The following CKMT2 variants were observed in gnomAD, a reference collection of about 807,000 sequenced individuals.
The protein encoded by CKMT2 is creatine kinase S-type, mitochondrial.
In CKMT2, 43 loss-of-function variants were observed where a neutral mutation model predicts 48.9. That is an observed-to-expected ratio of 0.88 (90% CI 0.69 to 1.13). The LOEUF is 1.13. CKMT2 is among the 50% of genes most tolerant of loss of function. CKMT2 has a pLI of 0.00. For synonymous variants in CKMT2, 206 were observed against 213.0 expected, an observed-to-expected ratio of 0.97 and a Z score of 0.29; for missense variants, 472 against 555.4, an observed-to-expected ratio of 0.85 and a Z score of 1.51.
At position 81,251,272 on chromosome 5, in the gene CKMT2, T is replaced by A; in HGVS notation, c.140T>A (p.Leu47Gln). 2 of 1,613,966 alleles carry A rather than the reference T, an allele frequency of 1.2e-6. No individual in the cohort carries two copies. The highest frequency in any genetic ancestry group is 1.7e-6 in the Non-Finnish European group (2 of 1,179,972). ...VCAEVREQPRLFPPSADYPDL... is the reference protein window; with the variant it reads ...VCAEVREQPRQFPPSADYPDL... ...GCCGAGGTCCGGGAGCAGCCTAGGC[T>A]ATTTCCTCCAAGGTAAGGGCTCCTG... Residue 47 changes from leucine to glutamine, a missense_variant, in exon 2 of 10, where the codon CTA becomes CAA. Transcript: ENST00000254035.
At chr5:81,240,636 A>G (rs559709019) in intron 1 of CKMT2, among the ~76,000 whole-genome samples, 1 of 152,274 alleles carries the variant, frequency 6.6e-6, no homozygotes, top group East Asian at 1.9e-4. Context: ...ATCTTTATTT[A>G]AATGAGTGCC....
chr5:81,263,124 A>G (rs535975121), intron 8 of CKMT2, among the ~76,000 whole-genome samples: 1,762 of 147,244 alleles, frequency 0.012, 35 homozygotes, highest in African/African-American at 0.04. Flanking sequence ...GAGTTGAACA[A>G]TGAGAACACA....
chr5:81,234,168 T>C (rs1756187247), intron 1 of CKMT2, among the ~76,000 whole-genome samples: 1 of 152,092 alleles, frequency 6.6e-6, no homozygotes, highest in African/African-American at 2.4e-5. Context: ...GTGGTCTGCC[T>C]TCAAATGCTC....
rs988508366 is a variant in CKMT2 at position 81,254,564 on chromosome 5, AG to A, written c.447+77del. 11 of 1,323,782 alleles carry A rather than the reference AG, an allele frequency of 8.3e-6. No homozygotes were observed. The African/African-American group carries it at 1.3e-4, about 16-fold the overall frequency. 82.0% of individuals were successfully genotyped at this position (1,323,782 alleles called of 1,614,324 possible). A position where few individuals can be genotyped will look rare whatever the true frequency, so the allele number is the denominator to read the frequency against. On this transcript the variant is annotated intron_variant, in intron 4 of 9. Coordinates refer to ENST00000254035, the MANE Select transcript of CKMT2 (RefSeq NM_001099735.2). Reference sequence around the variant, plus strand: ...GCCCAAGGGGAAGGCCCCTGGAGAGAGGGGTTCCCCGCTGTAAGTCAGATAC... The same window carrying A: ...GCCCAAGGGGAAGGCCCCTGGAGAGAGGGTTCCCCGCTGTAAGTCAGATAC...
chr5:81,260,955 T>G (rs1240557749), intron 8 of CKMT2, among the ~76,000 whole-genome samples: 2 of 152,088 alleles, frequency 1.3e-5, no homozygotes, highest in African/African-American at 4.8e-5. Flanking sequence ...AACACTGATG[T>G]GAAAATCCTC....
At chr5:81,242,785 A>G (rs1756481189) in intron 1 of CKMT2, among the ~76,000 whole-genome samples, 1 of 152,226 alleles carries the variant, frequency 6.6e-6, no homozygotes, top group Non-Finnish European at 1.5e-5. Context: ...GTTAAGAGCT[A>G]GGGAATTTCT....
intron 8 of CKMT2, among the ~76,000 whole-genome samples, chr5:81,259,851 C>T (rs112190334): frequency 2.6e-5 from 4 of 152,182 alleles, no homozygotes; most frequent in African/African-American, 7.2e-5. Context: ...GACTTGAACT[C>T]GGCTCTGGAC....
chr5:81,261,336 G>C (rs1331487624), intron 8 of CKMT2, among the ~76,000 whole-genome samples: 1 of 152,184 alleles, frequency 6.6e-6, no homozygotes, highest in Non-Finnish European at 1.5e-5. Context: ...TCAACATAGT[G>C]TTGGAAGTTC....
At chr5:81,252,011 C>A (rs1336760335) in intron 2 of CKMT2, 1 of 153,678 alleles carries the variant, frequency 6.5e-6, no homozygotes, top group African/African-American at 2.4e-5. Flanking sequence ...GCCTCTCTCA[C>A]TGCTCTACCA....
At chr5:81,247,399 C>T (rs980268316) in intron 1 of CKMT2, among the ~76,000 whole-genome samples, 2 of 152,192 alleles carry the variant, frequency 1.3e-5, no homozygotes, top group Non-Finnish European at 2.9e-5. Context: ...TTTACTTATG[C>T]CACATGTTAT....
intron 2 of CKMT2, among the ~76,000 whole-genome samples, 155 bp from the exon 3 acceptor site, chr5:81,252,540 G>A (rs891194568): frequency 6.6e-6 from 1 of 152,358 alleles, no homozygotes; most frequent in South Asian, 2.1e-4. Flanking sequence ...GAAACCTGGT[G>A]TATTCATTTA....
At chr5:81,247,378 A>T (rs1311800194) in intron 1 of CKMT2, among the ~76,000 whole-genome samples, 8 of 152,316 alleles carry the variant, frequency 5.3e-5, no homozygotes, top group Admixed American at 5.2e-4. Context: ...ACAAACAAAC[A>T]TCTTCCCAGC....
intron 7 of CKMT2, among the ~76,000 whole-genome samples, chr5:81,258,643 G>C (rs992848164): frequency 6.6e-6 from 1 of 152,118 alleles, no homozygotes; most frequent in Non-Finnish European, 1.5e-5. Flanking sequence ...GTGAGTGGTG[G>C]GTAAGCCAGC....
intron 9 of CKMT2, among the ~76,000 whole-genome samples, chr5:81,265,596 T>G (rs1757361084): frequency 1.3e-5 from 2 of 152,222 alleles, no homozygotes; most frequent in South Asian, 4.1e-4. Flanking sequence ...CAGAGTTTTT[T>G]AAGAACAGGA....
intron 1 of CKMT2, among the ~76,000 whole-genome samples, chr5:81,241,191 T>C (rs955696805): frequency 1.1e-4 from 16 of 152,146 alleles, no homozygotes; most frequent in Non-Finnish European, 1.5e-4. Flanking sequence ...GACTGGAGCC[T>C]TGCCAAGCTT....
At chr5:81,252,551 T>C (rs1254782818) in intron 2 of CKMT2, 144 bp from the exon 3 acceptor site, 2 of 759,248 alleles carry the variant, frequency 2.6e-6, no homozygotes, top group African/African-American at 1.7e-5. Flanking sequence ...TATTCATTTA[T>C]GACTCCTAGG....
At chr5:81,254,005 A>G (rs996492442) in intron 3 of CKMT2, among the ~76,000 whole-genome samples, 2 of 152,228 alleles carry the variant, frequency 1.3e-5, no homozygotes, top group Non-Finnish European at 2.9e-5. Context: ...AAAACTGTGT[A>G]GCCTCTGATC....
chr5:81,256,315 T>C (rs986209171), intron 5 of CKMT2, among the ~76,000 whole-genome samples: 12 of 127,596 alleles, frequency 9.4e-5, no homozygotes, highest in African/African-American at 3.2e-4. Context: ...GACAGGTTGT[T>C]TGATCTCTCT....
chr5:81,234,033 A>AC (rs902890662), intron 1 of CKMT2, among the ~76,000 whole-genome samples: 6 of 151,356 alleles, frequency 4.0e-5, no homozygotes, highest in African/African-American at 1.5e-4. Context: ...AAAAAAAAAA[A>AC]AAAAAAAAAA....
Sources: allele counts gnomAD v4.1 joint callset (sites outside exome capture counted in the v4.1 genomes callset), GRCh38; gene constraint gnomAD v4.1.1; transcripts MANE v1.5; gene names NCBI Gene and HGNC (gene_info 2026-07-23, HGNC 2026-07-21).